Variants in CCDC68 observed in about 807,000 individuals in gnomAD.
The protein encoded by CCDC68 is coiled-coil domain-containing protein 68.
In CCDC68, 45 loss-of-function variants were observed where a neutral mutation model predicts 47.1. That is an observed-to-expected ratio of 0.96 (90% CI 0.75 to 1.23). The LOEUF (loss-of-function observed/expected upper bound fraction) is 1.23, where lower values mean the gene tolerates loss of function less well. CCDC68 is among the 50% of genes most tolerant of loss of function. The pLI is 0.00. For missense variants in CCDC68, 353 were observed against 373.6 expected (o/e 0.94, Z 0.45); for synonymous variants, 131 against 129.5 (o/e 1.01, Z -0.08).
chr18:54,919,503 C>T, intron 8 of CCDC68, 127 bp from the exon 9 acceptor site: 3 of 693,722 alleles, frequency 4.3e-6, no homozygotes, highest in East Asian at 2.6e-5. Flanking sequence ...GACCCCGGGG[C>T]CCCATTATGC....
chr18:54,905,824 C>T (rs1036097909), intron 11 of CCDC68, among the ~76,000 whole-genome samples: 1 of 152,140 alleles, frequency 6.6e-6, no homozygotes, highest in East Asian at 1.9e-4. Context: ...TCTGTATTTA[C>T]AGCCACTCCC....
chr18:54,957,052 A>G (rs1187763836), intron 1 of CCDC68, among the ~76,000 whole-genome samples: 3 of 152,172 alleles, frequency 2.0e-5, no homozygotes, highest in African/African-American at 2.4e-5. Flanking sequence ...AATTTAATGG[A>G]TAGATGTTTT....
chr18:54,918,975 T>A (rs147134934), intron 9 of CCDC68, among the ~76,000 whole-genome samples: 1 of 152,302 alleles, frequency 6.6e-6, no homozygotes, highest in African/African-American at 2.4e-5. Context: ...TCTACAAAAT[T>A]GTCTAAAGAC....
Position 54,957,610 on chromosome 18 carries a change from TAC to T in CCDC68, c.-103+1724_-103+1725del, listed in dbSNP as rs372257090. 5.2e-3 allele frequency among the ~76,000 whole-genome samples: 733 copies of T among 141,606 alleles called. 4 individuals are homozygous for T. Among genetic ancestry groups the T allele is most frequent in the African/African-American group, 0.016 (600 of 37,460 alleles). The allele number at this position is 141,606 out of a possible 152,430, so 92.9% of individuals were successfully genotyped here. On this transcript the variant is annotated intron_variant, in intron 1 of 11. Coordinates refer to ENST00000591504, the MANE Select transcript of CCDC68 (RefSeq NM_025214.3). ...GTACCAAATAGTTTCTAAAACAATG[TAC>T]ACACACACACACACACTCTCTCTCT... is the stretch of plus-strand genomic sequence containing the variant.
At chr18:54,947,244 T>C (rs764035114) in intron 1 of CCDC68, among the ~76,000 whole-genome samples, 9 of 152,246 alleles carry the variant, frequency 5.9e-5, no homozygotes, top group Admixed American at 2.0e-4. Flanking sequence ...CTAGAATGGA[T>C]TGAAGACAGC....
intron 8 of CCDC68, among the ~76,000 whole-genome samples, chr18:54,920,578 T>C (rs1266265819): frequency 7.9e-5 from 12 of 152,262 alleles, no homozygotes; most frequent in Non-Finnish European, 1.6e-4. Flanking sequence ...TTATTAGTTT[T>C]CATTTTGTTT....
chr18:54,929,108 C>T (rs970644676), intron 7 of CCDC68, among the ~76,000 whole-genome samples: 4 of 152,208 alleles, frequency 2.6e-5, no homozygotes, highest in Non-Finnish European at 5.9e-5. Flanking sequence ...GCCTGGAGGA[C>T]TTCTTCTGCT....
At chr18:54,918,295 A>G (rs1362991738) in intron 9 of CCDC68, among the ~76,000 whole-genome samples, 1 of 152,216 alleles carries the variant, frequency 6.6e-6, no homozygotes, top group East Asian at 1.9e-4. Context: ...TCTGCATCTC[A>G]GCAACTTAAT....
intron 10 of CCDC68, among the ~76,000 whole-genome samples, chr18:54,913,067 T>C (rs994321035): frequency 6.6e-6 from 1 of 152,130 alleles, no homozygotes; most frequent in East Asian, 1.9e-4. Context: ...CAGATATTGA[T>C]GGGCAGGCAT....
chr18:54,931,376 T>A (rs2145509588), intron 7 of CCDC68, among the ~76,000 whole-genome samples: 1 of 152,278 alleles, frequency 6.6e-6, no homozygotes, highest in Non-Finnish European at 1.5e-5. Flanking sequence ...GAGCCATACC[T>A]CCAGACAGCT....
chr18:54,927,114 G>T (rs569222426), intron 8 of CCDC68, among the ~76,000 whole-genome samples: 2 of 152,250 alleles, frequency 1.3e-5, no homozygotes, highest in South Asian at 4.1e-4. Context: ...AACCAAAAGA[G>T]TCTGAGTCAT....
At chr18:54,934,777 A>C in intron 7 of CCDC68, 43 bp downstream of exon 7, 1 of 1,358,068 alleles carries the variant, frequency 7.4e-7, no homozygotes, top group Non-Finnish European at 9.7e-7. Flanking sequence ...TTCTCATCCT[A>C]ATGCTGTCAG....
rs1209123908 is a variant in CCDC68, at chr18:54,907,785, C to T, written c.950+1G>A. ...AGGGTGGAAGAGGACAGAGACCTTA[C>T]CTTGTAGAGACAGCCTTAGATACCT... On this transcript the variant is annotated splice_donor_variant, in intron 11 of 11. Transcript: ENST00000591504. LOFTEE classifies it high-confidence loss of function. The T allele has an allele frequency of 1.4e-5, 22 of 1,566,774 alleles. No individual in the cohort carries two copies. Among genetic ancestry groups the T allele is most frequent in the Non-Finnish European group, 1.8e-5 (21 of 1,136,890 alleles).
At chr18:54,926,349 T>G (rs1182543998) in intron 8 of CCDC68, among the ~76,000 whole-genome samples, 2 of 152,128 alleles carry the variant, frequency 1.3e-5, no homozygotes, top group Admixed American at 6.5e-5. Flanking sequence ...GCCAAAACCA[T>G]GCAGCAAGGA....
At chr18:54,905,479 G>A (rs887715770) in intron 11 of CCDC68, among the ~76,000 whole-genome samples, 1 of 135,592 alleles carries the variant, frequency 7.4e-6, no homozygotes, top group African/African-American at 2.8e-5. Flanking sequence ...AACCTTTTTT[G>A]TTTGTATTCC....
chr18:54,908,310 T>A (rs966692084), intron 10 of CCDC68, among the ~76,000 whole-genome samples: 9 of 152,220 alleles, frequency 5.9e-5, no homozygotes, highest in Non-Finnish European at 1.5e-5. Flanking sequence ...TCATGGCCTC[T>A]ATAGCCTCAA....
chr18:54,927,221 T>C (rs2044161161), intron 8 of CCDC68, among the ~76,000 whole-genome samples: 1 of 152,186 alleles, frequency 6.6e-6, no homozygotes. Flanking sequence ...ATACCTACAA[T>C]CTGTAAAAAT....
chr18:54,937,141 T>G, intron 5 of CCDC68, 183 bp from the exon 6 acceptor site: 1 of 591,960 alleles, frequency 1.7e-6, no homozygotes, highest in Non-Finnish European at 2.9e-6. Context: ...AGAAACTCCC[T>G]ATTTAGAGGG....
intron 2 of CCDC68, among the ~76,000 whole-genome samples, chr18:54,943,570 C>A (rs900759809): frequency 9.9e-4 from 151 of 151,972 alleles, no homozygotes; most frequent in African/African-American, 3.6e-3. Flanking sequence ...AGTTCTATAA[C>A]CATAAGAATT....
Sources: allele counts gnomAD v4.1 joint callset (sites outside exome capture counted in the v4.1 genomes callset), GRCh38; gene constraint gnomAD v4.1.1; transcripts MANE v1.5; gene names NCBI Gene and HGNC (gene_info 2026-07-23, HGNC 2026-07-21).